The following COL17A1 variants were observed in gnomAD, a reference collection of about 807,000 sequenced individuals.
COL17A1 encodes the protein collagen type XVII alpha 1 chain.
A neutral mutation model predicts 218.4 loss-of-function variants in COL17A1; 181 were observed. The observed-to-expected ratio is 0.83, with a 90% CI of 0.73 to 0.94. The LOEUF is 0.94. Ranked by LOEUF, COL17A1 falls within the 40% of genes least tolerant of loss-of-function variation. The pLI is 0.00. For synonymous variants in COL17A1, 721 were observed against 731.0 expected (o/e 0.99, Z 0.22); for missense variants, 1,924 against 1,945.9 (o/e 0.99, Z 0.21).
At chr10:104,079,134 T>G (rs2086737367) in intron 2 of COL17A1, among the ~76,000 whole-genome samples, 1 of 152,056 alleles carries the variant, frequency 6.6e-6, no homozygotes, top group East Asian at 1.9e-4. Context: ...TAAGTCACAT[T>G]TGGGGTTTGG....
chr10:104,048,478 G>T (rs1203736047), intron 29 of COL17A1, among the ~76,000 whole-genome samples: 1 of 152,136 alleles, frequency 6.6e-6, no homozygotes, highest in Non-Finnish European at 1.5e-5. Flanking sequence ...ACCATATCTT[G>T]CTCTTTCCCA....
At chr10:104,036,084 A>T (rs1300718902) in intron 48 of COL17A1, among the ~76,000 whole-genome samples, 1 of 30,678 alleles carries the variant, frequency 3.3e-5, no homozygotes, top group East Asian at 1.4e-3. Context: ...GGGAGTGTGT[A>T]TGGGAGTGTG....
rs1395211363 is a variant in COL17A1 at position 104,041,558 on chromosome 10, G to A, written c.2552-20C>T. ...GAACTTCTATAGAGAGAAGAAAATA[G>A]AAATGAGCAAAAGCTGTCACGAGGC... On this transcript the variant is annotated intron_variant, in intron 36 of 55. Transcript: ENST00000648076. 1 of 1,609,512 alleles carries A rather than the reference G, an allele frequency of 6.2e-7. No homozygotes were observed. Among genetic ancestry groups the A allele is most frequent in the Non-Finnish European group, 8.5e-7 (1 of 1,176,214 alleles).
chr10:104,033,810 G>T, intron 52 of COL17A1, 135 bp downstream of exon 52: 1 of 1,366,150 alleles, frequency 7.3e-7, no homozygotes. Flanking sequence ...CTAGGCTGGG[G>T]CTGCCTGTCC....
At chr10:104,063,349 T>C (rs1234220524) in intron 11 of COL17A1, among the ~76,000 whole-genome samples, 1 of 152,218 alleles carries the variant, frequency 6.6e-6, no homozygotes, top group East Asian at 1.9e-4. Flanking sequence ...CTATGTGTTA[T>C]ATTTATAGAA....
chr10:104,061,697 C>T (rs2086584360), intron 12 of COL17A1, among the ~76,000 whole-genome samples: 1 of 152,164 alleles, frequency 6.6e-6, no homozygotes, highest in Admixed American at 6.5e-5. Context: ...CTCCTAGACC[C>T]CCATGCATCT....
At chr10:104,075,869 G>A (rs143245776) in intron 5 of COL17A1, among the ~76,000 whole-genome samples, 4 of 152,292 alleles carry the variant, frequency 2.6e-5, no homozygotes, top group African/African-American at 4.8e-5. Context: ...TGAGGACCTC[G>A]CTCAGATGTC....
Position 104,076,341 on chromosome 10 carries a change from G to A in COL17A1, c.291C>T (p.Thr97=), listed in dbSNP as rs1490789233. Residue 97 remains threonine, a synonymous_variant, in exon 5 of 56, where the codon ACC becomes ACT. Coordinates refer to ENST00000648076, the MANE Select transcript of COL17A1 (RefSeq NM_000494.4). Reference sequence around the variant, plus strand: ...GGGTAACGTGAGTTTTCCTTTCAAAGGTTGAGCCTGGGGAGTTGGGCAGAG... The same window carrying A: ...GGGTAACGTGAGTTTTCCTTTCAAAAGTTGAGCCTGGGGAGTTGGGCAGAG... ...ASTLPNSPGS[T]FERKTHVTRH... 1 of 1,614,206 alleles carries A rather than the reference G, an allele frequency of 6.2e-7. No homozygotes were observed.
chr10:104,073,209 C>T lies in COL17A1; in HGVS notation c.415+1G>A. 1 of 1,613,858 alleles carries T rather than the reference C, an allele frequency of 6.2e-7. No homozygotes were observed. Among genetic ancestry groups the T allele is most frequent in the Non-Finnish European group, 8.5e-7 (1 of 1,179,820 alleles). ...GGACTGAACCCAGTGACAGCACTCA[C>T]CTCGTGTTTGACTCCGTCCTCTGGT... On this transcript the variant is annotated splice_donor_variant, in intron 7 of 55. Coordinates refer to ENST00000648076, the MANE Select transcript of COL17A1 (RefSeq NM_000494.4). LOFTEE classifies it high-confidence loss of function.
rs1235869085 is a variant in COL17A1, at chr10:104,043,529, C to T, written c.2487G>A (p.Met829Ile). 6.2e-7 allele frequency: 1 copy of T among 1,610,692 alleles called. No individual in the cohort carries two copies. Among genetic ancestry groups the T allele is most frequent in the Non-Finnish European group, 8.5e-7 (1 of 1,179,944 alleles). Residue 829 changes from methionine to isoleucine, a missense_variant, in exon 35 of 56, where the codon ATG (methionine) becomes ATA (isoleucine). Transcript: ENST00000648076. ...GGGCACCTGGAGGTCCTGGGGGTCC[C>T]ATGGCTCCAGGAGGTCCTGGGGGGC... ...VPGPPGPPGA[M>I]GPPGPPGAPG...
rs758851971 is a variant in COL17A1, at chr10:104,035,277, G to A, written c.3605C>T (p.Ser1202Leu). 9.9e-6 allele frequency: 16 copies of A among 1,613,668 alleles called. No homozygotes were observed. The highest frequency in any genetic ancestry group is 1.6e-4 in the Middle Eastern group (1 of 6,082). Residue 1202 changes from serine to leucine, a missense_variant, in exon 50 of 56, where the codon TCG becomes TTG. By Grantham distance (145) the Ser-to-Leu change is moderately radical. Coordinates refer to ENST00000648076, the MANE Select transcript of COL17A1 (RefSeq NM_000494.4). Reference sequence around the variant, plus strand: ...CAGTGCCCTACTATGTAAGTAAGACGAGAGGTCCTCCACGCTGATGCTGGA... The same window carrying A: ...CAGTGCCCTACTATGTAAGTAAGACAAGAGGTCCTCCACGCTGATGCTGGA... ...VWSSISVEDL[S>L]SYLHTAGLSF...
intron 51 of COL17A1, 119 bp from the exon 52 acceptor site, chr10:104,034,453 G>C: frequency 6.8e-7 from 1 of 1,473,856 alleles, no homozygotes; most frequent in Non-Finnish European, 9.1e-7. Context: ...TGAACTTCAG[G>C]GTTCTTGTAC....
intron 40 of COL17A1, 65 bp from the exon 41 acceptor site, chr10:104,040,064 C>A: frequency 6.3e-7 from 1 of 1,578,424 alleles, no homozygotes. Context: ...TCAATGGGCC[C>A]ATGGAGGAGG....
chr10:104,065,228 T>C (rs1196186136), intron 9 of COL17A1, among the ~76,000 whole-genome samples: 1 of 152,190 alleles, frequency 6.6e-6, no homozygotes, highest in African/African-American at 2.4e-5. Context: ...GAGCCAGCCA[T>C]GCAGGTCAGA....
intron 31 of COL17A1, among the ~76,000 whole-genome samples, chr10:104,047,015 G>A (rs2086417336): frequency 6.6e-6 from 1 of 152,160 alleles, no homozygotes; most frequent in Non-Finnish European, 1.5e-5. Flanking sequence ...GAGCCTATCT[G>A]GGTTCACAGA....
chr10:104,064,873 C>T (rs1299768087), intron 9 of COL17A1, among the ~76,000 whole-genome samples: 1 of 152,212 alleles, frequency 6.6e-6, no homozygotes, highest in East Asian at 1.9e-4. Context: ...CCTTCTAAAC[C>T]TGGCTCCCCA....
intron 29 of COL17A1, among the ~76,000 whole-genome samples, chr10:104,048,843 GT>G (rs1438696823): frequency 2.7e-5 from 4 of 148,634 alleles, no homozygotes; most frequent in Non-Finnish European, 1.5e-5. Context: ...TTTTTTTTTG[GT>G]TTTTTTTTGA....
intron 3 of COL17A1, among the ~76,000 whole-genome samples, chr10:104,078,272 A>G (rs1293706579): frequency 6.6e-6 from 1 of 152,174 alleles, no homozygotes; most frequent in African/African-American, 2.4e-5. Flanking sequence ...AGGGAGAATG[A>G]GGAATGACTG....
intron 11 of COL17A1, 81 bp downstream of exon 11, chr10:104,063,666 G>A (rs574771347): frequency 1.3e-6 from 2 of 1,587,190 alleles, no homozygotes; most frequent in Non-Finnish European, 1.7e-6. Flanking sequence ...TGGAAGAAAG[G>A]CCTTCATGCT....
Sources: allele counts gnomAD v4.1 joint callset (sites outside exome capture counted in the v4.1 genomes callset), GRCh38; gene constraint gnomAD v4.1.1; transcripts MANE v1.5; gene names NCBI Gene and HGNC (gene_info 2026-07-23, HGNC 2026-07-21).